The following FERMT1 variants were observed in gnomAD, a reference collection of about 807,000 sequenced individuals.
FERMT1 encodes the protein FERM domain containing kindlin 1.
A neutral mutation model predicts 85.3 loss-of-function variants in FERMT1; 60 were observed. That is an observed-to-expected ratio of 0.70 (90% CI 0.57 to 0.87). The LOEUF (loss-of-function observed/expected upper bound fraction) is 0.87, where lower values mean the gene tolerates loss of function less well. Ranked by LOEUF, FERMT1 falls within the 40% of genes least tolerant of loss-of-function variation. The pLI, the probability that FERMT1 is intolerant of heterozygous loss-of-function variation, is 0.00. For missense variants in FERMT1, 701 were observed against 818.9 expected (o/e 0.86, Z 1.76); for synonymous variants, 275 against 301.1 (o/e 0.91, Z 0.90).
chr20:6,102,363 C>T (rs1379893454), intron 6 of FERMT1, among the ~76,000 whole-genome samples: 1 of 151,970 alleles, frequency 6.6e-6, no homozygotes, highest in African/African-American at 2.4e-5. Flanking sequence ...ATACCCTCTC[C>T]TTGGCCCTTT....
intron 8 of FERMT1, among the ~76,000 whole-genome samples, chr20:6,096,197 T>C (rs902986118): frequency 1.3e-5 from 2 of 152,220 alleles, no homozygotes; most frequent in Non-Finnish European, 1.5e-5. Flanking sequence ...TTGAAATGGA[T>C]GACCAAGTAA....
intron 9 of FERMT1, among the ~76,000 whole-genome samples, chr20:6,090,871 T>A (rs1456216018): frequency 1.3e-5 from 2 of 152,016 alleles, no homozygotes; most frequent in Non-Finnish European, 2.9e-5. Flanking sequence ...TGTATTAAAA[T>A]AGTATTTATT....
At chr20:6,110,609 T>C (rs938598356) in intron 4 of FERMT1, 98 bp from the exon 5 acceptor site, 1 of 1,015,868 alleles carries the variant, frequency 9.8e-7, no homozygotes, top group African/African-American at 1.6e-5. Context: ...GAGTTTTGAC[T>C]TTAAATTTGG....
chr20:6,077,718 T>A (rs934030559), intron 14 of FERMT1, among the ~76,000 whole-genome samples: 2 of 152,104 alleles, frequency 1.3e-5, no homozygotes, highest in African/African-American at 4.8e-5. Context: ...TCTCTCTCTG[T>A]CACCCAGGCT....
chr20:6,090,282 C>T (rs895165740), intron 9 of FERMT1, among the ~76,000 whole-genome samples: 6 of 151,998 alleles, frequency 3.9e-5, no homozygotes, highest in Non-Finnish European at 8.8e-5. Flanking sequence ...ACTATGTTGG[C>T]CAGGATGGTC....
chr20:6,094,821 G>A (rs904664284), intron 9 of FERMT1, 118 bp downstream of exon 9: 11 of 734,672 alleles, frequency 1.5e-5, no homozygotes, highest in Middle Eastern at 6.1e-4. Flanking sequence ...ATGGCAAAGC[G>A]CACATTTTAC....
At chr20:6,113,164 T>C (rs551969674) in intron 3 of FERMT1, among the ~76,000 whole-genome samples, 24 of 152,248 alleles carry the variant, frequency 1.6e-4, no homozygotes, top group South Asian at 4.2e-4. Flanking sequence ...GATGGTTTTA[T>C]AGGGTGTTTC....
intron 11 of FERMT1, among the ~76,000 whole-genome samples, chr20:6,087,341 TG>T (rs1351587380): frequency 6.6e-6 from 1 of 152,172 alleles, no homozygotes; most frequent in Non-Finnish European, 1.5e-5. Context: ...AACAGAGTCT[TG>T]CTCTGTCACC....
At chr20:6,110,139 C>G (rs1180145650) in intron 5 of FERMT1, among the ~76,000 whole-genome samples, 159 bp downstream of exon 5, 1 of 152,162 alleles carries the variant, frequency 6.6e-6, no homozygotes, top group Non-Finnish European at 1.5e-5. Flanking sequence ...CTGAAATGAC[C>G]AAAGGCTGAA....
intron 11 of FERMT1, among the ~76,000 whole-genome samples, chr20:6,086,033 T>G (rs994550371): frequency 4.0e-5 from 6 of 151,776 alleles, no homozygotes; most frequent in African/African-American, 1.5e-4. Context: ...TCCCAGCTAC[T>G]TGGGAGGCTG....
At chr20:6,077,707 GTCTC>G (rs201319158) in intron 14 of FERMT1, among the ~76,000 whole-genome samples, 3,129 of 151,974 alleles carry the variant, frequency 0.021, 57 homozygotes, top group South Asian at 0.056. Flanking sequence ...TTGAGATGGA[GTCTC>G]TCTCTGTCAC....
chr20:6,099,608 G>C (rs193179245), intron 6 of FERMT1, among the ~76,000 whole-genome samples: 2 of 152,094 alleles, frequency 1.3e-5, no homozygotes, highest in Non-Finnish European at 2.9e-5. Context: ...AGGCAATGGA[G>C]AATTATTGTT....
In FERMT1 at chr20:6,076,423, A is replaced by G. The variant is rs756695878; in HGVS notation, c.*750T>C. Reference sequence around the variant, plus strand: ...TTTCCTGTCCCCCTGTGTCACCCACATCTTCACAAAGGACTTACAGGTGGC... The same window carrying G: ...TTTCCTGTCCCCCTGTGTCACCCACGTCTTCACAAAGGACTTACAGGTGGC... On this transcript the variant is annotated 3_prime_UTR_variant, in exon 15 of 15. Transcript: ENST00000217289. 1.9e-6 allele frequency: 1 copy of G among 517,844 alleles called. No homozygotes were observed. The highest frequency in any genetic ancestry group is 1.4e-5 in the South Asian group (1 of 70,960). The allele number at this position is 517,844 out of a possible 1,614,324, so 32.1% of individuals were successfully genotyped here. A position where few individuals can be genotyped will look rare whatever the true frequency, so the allele number is the denominator to read the frequency against.
Position 6,110,395 on chromosome 20 carries a change from T to C in FERMT1, c.649A>G (p.Ser217Gly), listed in dbSNP as rs1410054072. Reference protein sequence around the residue: ...SDSPLTEQNCSILAFSQPPQS... With the variant: ...SDSPLTEQNCGILAFSQPPQS... The stretch of plus-strand genomic sequence containing the variant: ...GGGGGTTGGCTGAATGCGAGGATGC[T>C]GCAGTTTTGTTCCGTCAAAGGGCTG... Residue 217 changes from serine to glycine, a missense_variant, in exon 5 of 15, where the codon AGC (serine) becomes GGC (glycine). Transcript: ENST00000217289. 1 of 1,614,082 alleles carries C rather than the reference T, an allele frequency of 6.2e-7. No homozygotes were observed.
intron 6 of FERMT1, among the ~76,000 whole-genome samples, chr20:6,098,636 C>T (rs1421503540): frequency 6.6e-6 from 1 of 151,826 alleles, no homozygotes; most frequent in African/African-American, 2.4e-5. Context: ...AAGAATTCAA[C>T]ACTATAAACA....
At chr20:6,080,960 G>A (rs1241592764) in intron 13 of FERMT1, among the ~76,000 whole-genome samples, 1 of 152,162 alleles carries the variant, frequency 6.6e-6, no homozygotes, top group Non-Finnish European at 1.5e-5. Flanking sequence ...AACCCAAGAA[G>A]GTGAGTAGAG....
intron 13 of FERMT1, among the ~76,000 whole-genome samples, chr20:6,080,802 T>A (rs1417276642): frequency 1.3e-5 from 2 of 152,118 alleles, no homozygotes; most frequent in Non-Finnish European, 1.5e-5. Context: ...AGGGGGAAGA[T>A]CCGGAACTTT....
intron 6 of FERMT1, among the ~76,000 whole-genome samples, chr20:6,100,173 ATAG>A (rs1982623273): frequency 6.6e-6 from 1 of 152,216 alleles, no homozygotes; most frequent in Admixed American, 6.6e-5. Flanking sequence ...ATTATTCATA[ATAG>A]TCAAACAGTG....
At chr20:6,091,085 T>G (rs979682063) in intron 9 of FERMT1, among the ~76,000 whole-genome samples, 1 of 151,152 alleles carries the variant, frequency 6.6e-6, no homozygotes, top group Admixed American at 6.6e-5. Context: ...ATTGCTTGAA[T>G]TCAGGAGGCG....
Sources: allele counts gnomAD v4.1 joint callset (sites outside exome capture counted in the v4.1 genomes callset), GRCh38; gene constraint gnomAD v4.1.1; transcripts MANE v1.5; gene names NCBI Gene and HGNC (gene_info 2026-07-23, HGNC 2026-07-21).